ZMAT4: variants seen among roughly 807,000 people sequenced by gnomAD.
The protein encoded by ZMAT4 is zinc finger matrin-type 4.
Under a neutral mutation model 28.7 loss-of-function variants are expected in ZMAT4, and 17 were observed. That is an observed-to-expected ratio of 0.59 (90% CI 0.41 to 0.89). The LOEUF is 0.89. ZMAT4 is among the 40% of genes least tolerant of loss of function. ZMAT4 has a pLI of 0.00. For missense variants in ZMAT4, 240 were observed against 283.8 expected (o/e 0.85, Z 1.11); for synonymous variants, 117 against 109.2 (o/e 1.07, Z -0.44).
chr8:40,881,439 G>GAAT (rs1457819375), intron 1 of ZMAT4, among the ~76,000 whole-genome samples: 1 of 79,506 alleles, frequency 1.3e-5, no homozygotes, highest in East Asian at 3.1e-4. Flanking sequence ...AAGAGAGAAA[G>GAAT]AAAGAAAGAA....
In ZMAT4 at chr8:40,640,821, T is replaced by C. The variant is rs187463907; in HGVS notation, c.577+33883A>G. On this transcript the variant is annotated intron_variant, in intron 5 of 6. Coordinates refer to ENST00000297737, the MANE Select transcript of ZMAT4 (RefSeq NM_024645.3). ...CTAAAAATACAAAAATTAGCGGGCA[T>C]GGTGGTGCATTCCTGTAGTCCCAGC... is the stretch of plus-strand genomic sequence containing the variant. 6.2e-4 allele frequency among the ~76,000 whole-genome samples: 94 copies of C among 151,972 alleles called. 1 individual carries two copies. The highest frequency in any genetic ancestry group is 1.9e-3 in the African/African-American group (80 of 41,456).
At chr8:40,536,424 A>G (rs1802849426) in intron 6 of ZMAT4, among the ~76,000 whole-genome samples, 1 of 152,192 alleles carries the variant, frequency 6.6e-6, no homozygotes, top group Non-Finnish European at 1.5e-5. Flanking sequence ...GCAATGCCTC[A>G]CTGGGTTCCC....
chr8:40,735,471 ATACT>A (rs1011130765), intron 3 of ZMAT4, among the ~76,000 whole-genome samples: 5 of 152,342 alleles, frequency 3.3e-5, no homozygotes, highest in South Asian at 2.1e-4. Context: ...TCTGAAAAAC[ATACT>A]TACTTAGAAT....
intron 2 of ZMAT4, among the ~76,000 whole-genome samples, chr8:40,785,171 C>T (rs1814015538): frequency 6.6e-6 from 1 of 152,214 alleles, no homozygotes; most frequent in Non-Finnish European, 1.5e-5. Context: ...TGTAAACAGA[C>T]CCTTCAATGT....
chr8:40,796,108 C>A (rs972818067), intron 2 of ZMAT4, among the ~76,000 whole-genome samples: 1 of 152,168 alleles, frequency 6.6e-6, no homozygotes, highest in Non-Finnish European at 1.5e-5. Context: ...CAGGGGCTGA[C>A]GCAGCTACAA....
At chr8:40,576,802 A>G (rs1804281467) in intron 6 of ZMAT4, among the ~76,000 whole-genome samples, 1 of 152,228 alleles carries the variant, frequency 6.6e-6, no homozygotes, top group Admixed American at 6.5e-5. Context: ...CCAAACTGCA[A>G]AGATAAACAA....
At position 40,628,844 on chromosome 8, in the gene ZMAT4, C is replaced by T. The variant is rs117660279; in HGVS notation, c.577+45860G>A. 2.5e-3 allele frequency among the ~76,000 whole-genome samples: 377 copies of T among 152,124 alleles called. 2 individuals carry two copies. The highest frequency in any genetic ancestry group is 4.6e-3 in the Non-Finnish European group (314 of 67,984). ...AAGAAGTATCCACTAGAGAAAAATGCCAACATAGATCTCTACTATACAGAA... is the reference window on the plus strand; with the variant it reads ...AAGAAGTATCCACTAGAGAAAAATGTCAACATAGATCTCTACTATACAGAA... On this transcript the variant is annotated intron_variant, in intron 5 of 6. Transcript: ENST00000297737.
At chr8:40,700,142 G>T (rs1047577988) in intron 3 of ZMAT4, among the ~76,000 whole-genome samples, 4 of 152,120 alleles carry the variant, frequency 2.6e-5, no homozygotes, top group East Asian at 1.9e-4. Flanking sequence ...TATCAAGGAG[G>T]CTGGCACCAG....
chr8:40,717,878 A>C (rs1810923421), intron 3 of ZMAT4, among the ~76,000 whole-genome samples: 1 of 137,338 alleles, frequency 7.3e-6, no homozygotes, highest in South Asian at 2.4e-4. Context: ...AATTTGCAGA[A>C]AGTACAGTAA....
chr8:40,617,903 A>G (rs1472582836), intron 5 of ZMAT4, among the ~76,000 whole-genome samples: 8 of 152,230 alleles, frequency 5.3e-5, no homozygotes, highest in Non-Finnish European at 1.5e-5. Flanking sequence ...AAAATGAAAA[A>G]TTTCCTCCCA....
At chr8:40,648,849 A>G (rs1227302993) in intron 5 of ZMAT4, among the ~76,000 whole-genome samples, 1 of 135,210 alleles carries the variant, frequency 7.4e-6, no homozygotes, top group East Asian at 2.2e-4. Flanking sequence ...AGGAGAAATA[A>G]AATACTTTAC....
At chr8:40,649,913 C>T (rs1379480790) in intron 5 of ZMAT4, among the ~76,000 whole-genome samples, 149 of 151,586 alleles carry the variant, frequency 9.8e-4, no homozygotes, top group South Asian at 3.2e-3. Context: ...ATCTCTGGGA[C>T]GCATTCAAAG....
chr8:40,718,652 CCTT>C (rs762974680), intron 3 of ZMAT4, among the ~76,000 whole-genome samples: 5 of 152,142 alleles, frequency 3.3e-5, no homozygotes, highest in Admixed American at 6.6e-5. Context: ...CACCCAGCCT[CCTT>C]CTTCTTTCCC....
chr8:40,611,384 G>T (rs1389068355), intron 5 of ZMAT4, among the ~76,000 whole-genome samples: 1 of 150,852 alleles, frequency 6.6e-6, no homozygotes, highest in African/African-American at 2.4e-5. Context: ...ATGGAGTCTC[G>T]CTCTGTCACC....
chr8:40,866,413 T>G (rs546598947), intron 1 of ZMAT4, among the ~76,000 whole-genome samples: 3 of 152,298 alleles, frequency 2.0e-5, no homozygotes, highest in Admixed American at 2.0e-4. Context: ...CCCAGGCACG[T>G]TTCCAACAAA....
chr8:40,823,173 C>G (rs1410441332), intron 2 of ZMAT4, among the ~76,000 whole-genome samples: 1 of 152,088 alleles, frequency 6.6e-6, no homozygotes, highest in Non-Finnish European at 1.5e-5. Flanking sequence ...CTGTCATGGG[C>G]AGGCACTATT....
chr8:40,685,201 C>A (rs1279797771), intron 4 of ZMAT4, among the ~76,000 whole-genome samples: 1 of 152,114 alleles, frequency 6.6e-6, no homozygotes, highest in Non-Finnish European at 1.5e-5. Flanking sequence ...GTAGATGGGG[C>A]TACTCTGCTC....
rs193164805 is a variant in ZMAT4 at position 40,702,384 on chromosome 8, A to G, written c.193-4983T>C. On this transcript the variant is annotated intron_variant, in intron 3 of 6. Coordinates refer to ENST00000297737, the MANE Select transcript of ZMAT4 (RefSeq NM_024645.3). The stretch of plus-strand genomic sequence containing the variant: ...TTCTGGCTTAAAGATTATCTTTAAA[A>G]TATGAGTTTCAAACTGGAGGCAAAA... 7.5e-4 allele frequency among the ~76,000 whole-genome samples: 115 copies of G among 152,358 alleles called. No homozygotes were observed. The South Asian group carries it at 9.7e-3, about 13-fold the overall frequency.
intron 1 of ZMAT4, among the ~76,000 whole-genome samples, chr8:40,896,980 T>C (rs1268016003): frequency 6.6e-6 from 1 of 151,460 alleles, no homozygotes; most frequent in Non-Finnish European, 1.5e-5. Context: ...TTTCTTTTTT[T>C]TTTTTTTTCA....
Sources: allele counts gnomAD v4.1 joint callset (sites outside exome capture counted in the v4.1 genomes callset), GRCh38; gene constraint gnomAD v4.1.1; transcripts MANE v1.5; gene names NCBI Gene and HGNC (gene_info 2026-07-23, HGNC 2026-07-21).